The following KDM6A variants were observed in gnomAD, a reference collection of about 807,000 sequenced individuals.
The protein encoded by KDM6A is lysine demethylase 6A, also known as lysine-specific demethylase 6A.
In KDM6A, 11 loss-of-function variants were observed where a neutral mutation model predicts 117.6. The ratio of observed to expected loss-of-function variants is 0.09; its 90% confidence interval spans 0.06 to 0.15. The LOEUF is 0.15. KDM6A is among the 10% of genes least tolerant of loss of function. The probability of loss-of-function intolerance (pLI) is 1.00; values close to 1 mark genes in which losing one functional copy is unlikely to be tolerated. For synonymous variants in KDM6A, 384 were observed against 396.1 expected (o/e 0.97, Z 0.36); for missense variants, 799 against 1,077.3 (o/e 0.74, Z 3.62).
chrX:44,887,900 T>C (rs982454227), intron 2 of KDM6A, among the ~76,000 whole-genome samples: 1 of 111,500 alleles, frequency 9.0e-6, no homozygotes, highest in Non-Finnish European at 1.9e-5. Context: ...TCCAGCTACA[T>C]GGGAAAACCG....
chrX:44,958,604 CTTT>C (rs34006049), intron 2 of KDM6A, among the ~76,000 whole-genome samples: 1 of 56,453 alleles, frequency 1.8e-5, no homozygotes, highest in South Asian at 1.2e-3. Context: ...CTATATAGAC[CTTT>C]TTTTTTTTTT....
chrX:44,909,739 C>T (rs2034964233), intron 2 of KDM6A, among the ~76,000 whole-genome samples: 1 of 111,800 alleles, frequency 8.9e-6, no homozygotes, highest in Non-Finnish European at 1.9e-5. Context: ...AGATGCTAGT[C>T]TAATAAAGAT....
At chrX:44,952,017 T>G (rs1044667183) in intron 2 of KDM6A, among the ~76,000 whole-genome samples, 1 of 112,386 alleles carries the variant, frequency 8.9e-6, no homozygotes, top group African/African-American at 3.2e-5. Context: ...AAGTATTAGC[T>G]ATCAACACTT....
intron 2 of KDM6A, among the ~76,000 whole-genome samples, chrX:44,891,360 C>T (rs771595765): frequency 9.0e-6 from 1 of 111,525 alleles, no homozygotes; most frequent in South Asian, 3.7e-4. Context: ...TGTTCAACTG[C>T]TCCACCATTA....
chrX:44,984,180 C>T (rs1215072998), intron 4 of KDM6A, among the ~76,000 whole-genome samples: 1 of 110,393 alleles, frequency 9.1e-6, no homozygotes, highest in Non-Finnish European at 1.9e-5. Flanking sequence ...AGCATTTTTT[C>T]ATGTGTCTTT....
rs1201202530 is a variant in KDM6A, at chrX:45,108,867, G to C, written c.4162-1212G>C. On this transcript the variant is annotated intron_variant, in intron 28 of 29. Coordinates refer to ENST00000611820, the MANE Select transcript of KDM6A (RefSeq NM_001291415.2). ...CATCATTCTCAGTAAACTATCGCAA[G>C]AACAAAAAACCAAACACCGCACATT... is the stretch of plus-strand genomic sequence containing the variant. 1.0e-4 allele frequency among the ~76,000 whole-genome samples: 10 copies of C among 99,373 alleles called. No individual in the cohort carries two copies. In the South Asian group the frequency reaches 4.5e-3, roughly 44 times the overall value. 86.3% of individuals were successfully genotyped at this position (99,373 alleles called of 115,157 possible).
At chrX:44,972,974 G>T (rs867801970) in intron 3 of KDM6A, among the ~76,000 whole-genome samples, 11 of 109,955 alleles carry the variant, frequency 1.0e-4, no homozygotes, top group African/African-American at 3.3e-4. Context: ...GGCGGAGATT[G>T]CAGTGAGCCA....
chrX:45,027,341 A>ACACACACACACACG (rs1806257395), intron 6 of KDM6A, among the ~76,000 whole-genome samples: 1 of 95,960 alleles, frequency 1.0e-5, no homozygotes, highest in African/African-American at 4.8e-5. Context: ...TGTGAAACAC[A>ACACACACACACACG]CACACACACA....
At chrX:44,911,154 G>A (rs1208205033) in intron 2 of KDM6A, among the ~76,000 whole-genome samples, 12 of 107,606 alleles carry the variant, frequency 1.1e-4, no homozygotes, top group Non-Finnish European at 1.8e-4. Context: ...CGGACGGGGC[G>A]GCTGGCCGGG....
intron 2 of KDM6A, among the ~76,000 whole-genome samples, chrX:44,928,735 C>G (rs2036448649): frequency 9.1e-6 from 1 of 110,425 alleles, no homozygotes; most frequent in Non-Finnish European, 1.9e-5. Context: ...CATGTGCTAC[C>G]TACCTTTTTA....
At chrX:44,941,696 A>G (rs371468734) in intron 2 of KDM6A, among the ~76,000 whole-genome samples, 5 of 109,571 alleles carry the variant, frequency 4.6e-5, no homozygotes, top group African/African-American at 1.7e-4. Context: ...GTTAGCCAGG[A>G]TGATCTCCAT....
intron 2 of KDM6A, among the ~76,000 whole-genome samples, chrX:44,889,839 T>G (rs1220168949): frequency 8.9e-6 from 1 of 112,417 alleles, no homozygotes; most frequent in Non-Finnish European, 1.9e-5. Flanking sequence ...TGTATTGACT[T>G]ACTTTAAAAA....
At chrX:44,999,366 C>T (rs1384210985) in intron 4 of KDM6A, among the ~76,000 whole-genome samples, 1 of 111,263 alleles carries the variant, frequency 9.0e-6, no homozygotes, top group Non-Finnish European at 1.9e-5. Context: ...CTGTGTAGTT[C>T]CCCTATTGGC....
intron 2 of KDM6A, among the ~76,000 whole-genome samples, chrX:44,920,578 A>G (rs1232058353): frequency 9.1e-6 from 1 of 109,317 alleles, no homozygotes; most frequent in Non-Finnish European, 1.9e-5. Flanking sequence ...AGCTGGGACT[A>G]CAGGCGCCCG....
chrX:45,038,126 G>A (rs1375537956), intron 8 of KDM6A, among the ~76,000 whole-genome samples: 1 of 110,978 alleles, frequency 9.0e-6, no homozygotes, highest in Non-Finnish European at 1.9e-5. Flanking sequence ...GGGAGGCTGA[G>A]GCACAAGAAT....
intron 3 of KDM6A, among the ~76,000 whole-genome samples, chrX:44,970,370 A>G (rs1412871994): frequency 9.0e-6 from 1 of 111,481 alleles, no homozygotes; most frequent in Non-Finnish European, 1.9e-5. Context: ...TGATAATTAC[A>G]TGGACTTCTT....
chrX:45,054,081 A>G lies in KDM6A; in HGVS notation c.875+126A>G, dbSNP rs2043967454. 15 of 733,931 alleles carry G rather than the reference A, an allele frequency of 2.0e-5. 1 individual carries two copies. Among genetic ancestry groups the G allele is most frequent in the Admixed American group, 7.9e-5 (3 of 38,144 alleles). The allele number at this position is 733,931 out of a possible 1,213,427, so 60.5% of individuals were successfully genotyped here. Reference sequence around the variant, plus strand: ...TATTTTCTCTTCTAAATACATTATTAACCAAGATTCCTGAAAGTTAAACAA... The same window carrying G: ...TATTTTCTCTTCTAAATACATTATTGACCAAGATTCCTGAAAGTTAAACAA... On this transcript the variant is annotated intron_variant, in intron 10 of 29. Transcript: ENST00000611820.
At chrX:44,882,344 GCAAT>G (rs751913136) in intron 2 of KDM6A, among the ~76,000 whole-genome samples, 5 of 111,893 alleles carry the variant, frequency 4.5e-5, no homozygotes, top group Non-Finnish European at 9.4e-5. Context: ...GCACATCTCA[GCAAT>G]CAGTCACAGC....
chrX:45,061,443 T>C, intron 15 of KDM6A, 24 bp downstream of exon 15: 1 of 879,444 alleles, frequency 1.1e-6, no homozygotes, highest in African/African-American at 2.0e-5. Context: ...TTTTGACAAA[T>C]TGTTTATTAA....
Sources: allele counts gnomAD v4.1 joint callset (sites outside exome capture counted in the v4.1 genomes callset), GRCh38; gene constraint gnomAD v4.1.1; transcripts MANE v1.5; gene names NCBI Gene and HGNC (gene_info 2026-07-23, HGNC 2026-07-21).